TENT4B: variants seen among roughly 807,000 people sequenced by gnomAD.
TENT4B encodes terminal nucleotidyltransferase 4B, also known as PAP associated domain containing 5.
A neutral mutation model predicts 75.0 loss-of-function variants in TENT4B; 10 were observed. That is an observed-to-expected ratio of 0.13 (90% CI 0.08 to 0.23). The LOEUF is 0.23. TENT4B is among the 10% of genes least tolerant of loss of function. TENT4B has a pLI of 1.00. For missense variants in TENT4B, 579 were observed against 893.8 expected (o/e 0.65, Z 4.49); for synonymous variants, 350 against 357.7 (o/e 0.98, Z 0.24).
chr16:50,162,790 G>A (rs866020735), intron 1 of TENT4B, among the ~76,000 whole-genome samples: 39 of 151,880 alleles, frequency 2.6e-4, no homozygotes, highest in African/African-American at 7.5e-4. Context: ...CTTTAGCCTC[G>A]TTTTCTAAAA....
chr16:50,174,530 A>G (rs368382119), intron 1 of TENT4B, among the ~76,000 whole-genome samples: 29 of 152,350 alleles, frequency 1.9e-4, no homozygotes, highest in African/African-American at 6.5e-4. Context: ...TGTGGATCAA[A>G]TCAAGGTAAT....
In TENT4B at chr16:50,186,208, A is replaced by G. The variant is rs1024562736; in HGVS notation, c.639-25115A>G. Among the ~76,000 whole-genome samples the G allele has an allele frequency of 1.3e-4, 20 of 151,368 alleles. No individual in the cohort carries two copies. The South Asian group carries it at 1.7e-3, about 13-fold the overall frequency. ...TGTACTCATTAAACAATAGTTTATCACTCCTTCCCTGCAACTAGATGCTGG... is the reference window on the plus strand; with the variant it reads ...TGTACTCATTAAACAATAGTTTATCGCTCCTTCCCTGCAACTAGATGCTGG... On this transcript the variant is annotated intron_variant, in intron 1 of 11. Coordinates refer to ENST00000561678, the MANE Select transcript of TENT4B (RefSeq NM_001365324.3).
At chr16:50,169,080 C>G (rs1319596457) in intron 1 of TENT4B, among the ~76,000 whole-genome samples, 1 of 152,144 alleles carries the variant, frequency 6.6e-6, no homozygotes, top group Non-Finnish European at 1.5e-5. Flanking sequence ...TATCAAATAT[C>G]CAATGTTCAT....
At position 50,233,929 on chromosome 16, in the gene TENT4B, C is replaced by G. The variant is rs2032372266; in HGVS notation, c.*4601C>G. 1.0e-6 allele frequency: 1 copy of G among 985,290 alleles called. No homozygotes were observed. The highest frequency in any genetic ancestry group is 1.2e-6 in the Non-Finnish European group (1 of 829,918). The allele number at this position is 985,290 out of a possible 1,614,324, so 61.0% of individuals were successfully genotyped here. ...AAATCAGGTGTTCTCTTGTGTATTT[C>G]AGTGAACATTTTTATTAGTAGTTGC... On this transcript the variant is annotated 3_prime_UTR_variant, in exon 12 of 12. Coordinates refer to ENST00000561678, the MANE Select transcript of TENT4B (RefSeq NM_001365324.3).
intron 1 of TENT4B, among the ~76,000 whole-genome samples, chr16:50,175,205 G>A (rs751571030): frequency 6.6e-6 from 1 of 152,056 alleles, no homozygotes; most frequent in Admixed American, 6.6e-5. Context: ...TTAGATACGT[G>A]TTTTGCAAAT....
intron 1 of TENT4B, among the ~76,000 whole-genome samples, chr16:50,162,564 T>C (rs1284544605): frequency 6.6e-6 from 1 of 152,186 alleles, no homozygotes; most frequent in Non-Finnish European, 1.5e-5. Flanking sequence ...CCTCATCTAA[T>C]CTTAACTTTT....
rs34413257 is a variant in TENT4B, at chr16:50,230,300, GAAA to G, written c.*987_*989del. On this transcript the variant is annotated 3_prime_UTR_variant, in exon 12 of 12. Transcript: ENST00000561678. The stretch of plus-strand genomic sequence containing the variant: ...TTTTCCCCCCATTTCTTCCTAATAG[GAAA>G]AAAAAAAAAAAAAAGGTCACCCATG... The G allele has an allele frequency of 2.9e-5, 27 of 919,060 alleles. No homozygotes were observed. The highest frequency in any genetic ancestry group is 2.5e-4 in the East Asian group (2 of 7,972). The allele number at this position is 919,060 out of a possible 1,614,324, so 56.9% of individuals were successfully genotyped here.
At chr16:50,211,868 C>G (rs1050163316) in intron 2 of TENT4B, among the ~76,000 whole-genome samples, 2 of 152,064 alleles carry the variant, frequency 1.3e-5, no homozygotes, top group Non-Finnish European at 2.9e-5. Flanking sequence ...CAAGTAAGAA[C>G]TTTTGTCACT....
At chr16:50,175,849 A>G (rs2038296939) in intron 1 of TENT4B, among the ~76,000 whole-genome samples, 1 of 151,934 alleles carries the variant, frequency 6.6e-6, no homozygotes, top group Non-Finnish European at 1.5e-5. Flanking sequence ...TGACACCATC[A>G]AGGCTTCGTT....
chr16:50,175,417 T>C (rs1459306748), intron 1 of TENT4B, among the ~76,000 whole-genome samples: 1 of 152,174 alleles, frequency 6.6e-6, no homozygotes, highest in African/African-American at 2.4e-5. Flanking sequence ...TTTTATAGTT[T>C]TTGTTTTACA....
At chr16:50,206,604 A>G (rs1254103580) in intron 1 of TENT4B, among the ~76,000 whole-genome samples, 2 of 152,004 alleles carry the variant, frequency 1.3e-5, no homozygotes, top group Admixed American at 1.3e-4. Context: ...TCATCCCTGA[A>G]CAGAAACATG....
rs192478851 is a variant in TENT4B at position 50,177,896 on chromosome 16, A to G, written c.638+23637A>G. Among the ~76,000 whole-genome samples the G allele has an allele frequency of 2.4e-4, 36 of 152,182 alleles. 1 individual carries two copies. The highest frequency in any genetic ancestry group is 8.4e-4 in the African/African-American group (35 of 41,542). ...ATTTCCTGTAAGCACTGCTTTCTCT[A>G]TATCTTACAAATTTTGATGTCATAT... On this transcript the variant is annotated intron_variant, in intron 1 of 11. Coordinates refer to ENST00000561678, the MANE Select transcript of TENT4B (RefSeq NM_001365324.3).
intron 1 of TENT4B, among the ~76,000 whole-genome samples, chr16:50,184,182 C>A (rs1249952095): frequency 6.6e-6 from 1 of 152,066 alleles, no homozygotes; most frequent in Non-Finnish European, 1.5e-5. Flanking sequence ...TTTGGAAGGC[C>A]AAAATTAATG....
upstream of TENT4B, chr16:50,153,139 G>A: frequency 2.7e-6 from 2 of 748,780 alleles, no homozygotes; most frequent in Non-Finnish European, 3.5e-6. Flanking sequence ...CCGGGCTGCT[G>A]CGCGGCGCAG....
chr16:50,218,665 T>G (rs1382399305), intron 5 of TENT4B, among the ~76,000 whole-genome samples: 1 of 152,188 alleles, frequency 6.6e-6, no homozygotes, highest in Non-Finnish European at 1.5e-5. Context: ...CTTTTTTTTT[T>G]CCTAAACAGG....
At chr16:50,163,591 G>T (rs1045445887) in intron 1 of TENT4B, among the ~76,000 whole-genome samples, 1 of 150,922 alleles carries the variant, frequency 6.6e-6, no homozygotes, top group Non-Finnish European at 1.5e-5. Flanking sequence ...AGTAGAGACG[G>T]GGTTTCACTG....
At chr16:50,173,589 C>T (rs1475337787) in intron 1 of TENT4B, among the ~76,000 whole-genome samples, 1 of 152,170 alleles carries the variant, frequency 6.6e-6, no homozygotes, top group African/African-American at 2.4e-5. Flanking sequence ...AGTGTTTTGG[C>T]TTTTCACCAT....
chr16:50,218,497 G>C (rs191860661), intron 5 of TENT4B, among the ~76,000 whole-genome samples: 1 of 151,940 alleles, frequency 6.6e-6, no homozygotes, highest in African/African-American at 2.4e-5. Flanking sequence ...CGAGTACCAG[G>C]CACCTGCCAC....
rs1165313334 is a variant in TENT4B at position 50,156,013 on chromosome 16, A to G, written c.638+1754A>G. ...TGCTATTTAATGCAGAAGATACTCT[A>G]AAAGGTTCATATTTATACTTAGAAG... On this transcript the variant is annotated intron_variant, in intron 1 of 11. Transcript: ENST00000561678. 2.0e-5 allele frequency among the ~76,000 whole-genome samples: 3 copies of G among 152,152 alleles called. No homozygotes were observed. The East Asian group carries it at 5.8e-4, about 29-fold the overall frequency.
Sources: allele counts gnomAD v4.1 joint callset (sites outside exome capture counted in the v4.1 genomes callset), GRCh38; gene constraint gnomAD v4.1.1; transcripts MANE v1.5; gene names NCBI Gene and HGNC (gene_info 2026-07-23, HGNC 2026-07-21).